SLMAP: variants seen among roughly 807,000 people sequenced by gnomAD.
The protein encoded by SLMAP is sarcolemma associated protein.
A neutral mutation model predicts 128.8 loss-of-function variants in SLMAP; 44 were observed. That is an observed-to-expected ratio of 0.34 (90% CI 0.27 to 0.44). The LOEUF is 0.44. Ranked by LOEUF, SLMAP falls within the 20% of genes least tolerant of loss-of-function variation. The pLI, the probability that SLMAP is intolerant of heterozygous loss-of-function variation, is 1.00. For synonymous variants in SLMAP, 327 were observed against 348.8 expected (o/e 0.94, Z 0.70); for missense variants, 787 against 985.3 (o/e 0.80, Z 2.69).
chr3:57,781,970 G>A (rs1262741649), intron 2 of SLMAP, among the ~76,000 whole-genome samples: 5 of 152,070 alleles, frequency 3.3e-5, no homozygotes, highest in Admixed American at 1.3e-4. Context: ...CTGACCTCAA[G>A]TGACTGCCCA....
At chr3:57,895,721 C>A (rs956531259) in intron 15 of SLMAP, among the ~76,000 whole-genome samples, 2 of 151,968 alleles carry the variant, frequency 1.3e-5, no homozygotes, top group African/African-American at 4.8e-5. Flanking sequence ...ACGGGAGGAT[C>A]AGTTTAGCCC....
At chr3:57,866,558 G>A (rs529208094) in intron 13 of SLMAP, among the ~76,000 whole-genome samples, 12 of 152,254 alleles carry the variant, frequency 7.9e-5, no homozygotes, top group South Asian at 4.2e-4. Context: ...ACTATTCTAC[G>A]TATGTTTTGT....
intron 24 of SLMAP, chr3:57,926,392 CTGTTTAT>C (rs1224920448): frequency 2.5e-5 from 4 of 158,434 alleles, no homozygotes. Context: ...AACCCTTTGC[CTGTTTAT>C]ACTATGGCTA....
In SLMAP at chr3:57,928,025, C is replaced by G. The variant is rs1197922749; in HGVS notation, c.*736C>G. The G allele has an allele frequency of 6.6e-6, 1 of 152,238 alleles. No individual in the cohort carries two copies. The highest frequency in any genetic ancestry group is 1.5e-5 in the Non-Finnish European group (1 of 67,978). 9.4% of individuals were successfully genotyped at this position (152,238 alleles called of 1,614,324 possible). On this transcript the variant is annotated 3_prime_UTR_variant, in exon 25 of 25. Transcript: ENST00000671191. ...GGGGAATATGTGCACGCTTGTTCAG[C>G]CTTAATGTGACTTGAAGATGTGGAG...
intron 6 of SLMAP, among the ~76,000 whole-genome samples, chr3:57,853,716 G>A (rs1480902314): frequency 2.0e-5 from 3 of 151,060 alleles, no homozygotes; most frequent in South Asian, 4.2e-4. Context: ...TAAGGCGGGC[G>A]GATCACCTGT....
At chr3:57,806,403 G>A (rs968769091) in intron 2 of SLMAP, among the ~76,000 whole-genome samples, 9 of 152,074 alleles carry the variant, frequency 5.9e-5, no homozygotes, top group African/African-American at 1.2e-4. Flanking sequence ...TTATGGCTGC[G>A]TAGTATTCCA....
intron 14 of SLMAP, among the ~76,000 whole-genome samples, chr3:57,880,296 G>T (rs981441310): frequency 6.6e-6 from 1 of 151,916 alleles, no homozygotes; most frequent in East Asian, 1.9e-4. Context: ...CCGCCTCCCG[G>T]GTTCAAGTGA....
At chr3:57,861,111 A>T (rs1485933537) in intron 9 of SLMAP, among the ~76,000 whole-genome samples, 1 of 150,244 alleles carries the variant, frequency 6.7e-6, no homozygotes, top group Non-Finnish European at 1.5e-5. Context: ...TCCATACAGC[A>T]GACCATGATA....
At chr3:57,786,698 A>G (rs1477741337) in intron 2 of SLMAP, among the ~76,000 whole-genome samples, 1 of 149,226 alleles carries the variant, frequency 6.7e-6, no homozygotes, top group Admixed American at 6.7e-5. Flanking sequence ...CTGGTATTAC[A>G]GGTGCCCACC....
intron 2 of SLMAP, among the ~76,000 whole-genome samples, chr3:57,788,832 C>T (rs17058538): frequency 6.6e-6 from 1 of 152,024 alleles, no homozygotes; most frequent in Non-Finnish European, 1.5e-5. Context: ...GGAAGCTCGC[C>T]GGCAGTTGGT....
chr3:57,840,496 A>C (rs945412941), intron 3 of SLMAP, among the ~76,000 whole-genome samples: 9 of 152,236 alleles, frequency 5.9e-5, no homozygotes, highest in African/African-American at 2.2e-4. Flanking sequence ...AGAGAAATAA[A>C]AAACCGTCAA....
At chr3:57,868,896 ATATT>A (rs2095387823) in intron 13 of SLMAP, among the ~76,000 whole-genome samples, 1 of 136,988 alleles carries the variant, frequency 7.3e-6, no homozygotes, top group Admixed American at 8.1e-5. Flanking sequence ...TATATTATAT[ATATT>A]ATATATGTGT....
intron 3 of SLMAP, among the ~76,000 whole-genome samples, chr3:57,838,604 T>C (rs897985041): frequency 1.3e-5 from 2 of 151,968 alleles, no homozygotes; most frequent in African/African-American, 4.8e-5. Flanking sequence ...CACAATGCAA[T>C]GTGCTTAATG....
intron 14 of SLMAP, among the ~76,000 whole-genome samples, chr3:57,880,279 G>C (rs2095703273): frequency 6.6e-6 from 1 of 151,850 alleles, no homozygotes; most frequent in African/African-American, 2.4e-5. Flanking sequence ...TTGGCTCACT[G>C]CAACCTCCGC....
intron 2 of SLMAP, among the ~76,000 whole-genome samples, chr3:57,822,052 A>C (rs1462043507): frequency 1.3e-5 from 2 of 151,980 alleles, no homozygotes; most frequent in Non-Finnish European, 1.5e-5. Flanking sequence ...TTGGTACTTA[A>C]TTCATCCTGT....
intron 3 of SLMAP, among the ~76,000 whole-genome samples, chr3:57,832,350 T>C (rs2093392530): frequency 1.3e-5 from 2 of 152,226 alleles, no homozygotes; most frequent in South Asian, 2.1e-4. Context: ...AGGCAGCTAA[T>C]AGTAGCTATC....
chr3:57,762,247 A>G (rs1302266198), intron 2 of SLMAP, among the ~76,000 whole-genome samples: 1 of 151,456 alleles, frequency 6.6e-6, no homozygotes, highest in Non-Finnish European at 1.5e-5. Flanking sequence ...ATGTGCCTGC[A>G]ATCCCAGCTA....
chr3:57,768,193 T>C (rs2080115596), intron 2 of SLMAP, among the ~76,000 whole-genome samples: 1 of 152,034 alleles, frequency 6.6e-6, no homozygotes, highest in Non-Finnish European at 1.5e-5. Context: ...TATGGACGTG[T>C]TTGGTGGTTA....
chr3:57,763,962 G>A (rs1242856074), intron 2 of SLMAP, among the ~76,000 whole-genome samples: 9 of 152,120 alleles, frequency 5.9e-5, no homozygotes, highest in Admixed American at 5.9e-4. Context: ...GTAGCCAAGG[G>A]TGCACATCTA....
Sources: allele counts gnomAD v4.1 joint callset (sites outside exome capture counted in the v4.1 genomes callset), GRCh38; gene constraint gnomAD v4.1.1; transcripts MANE v1.5; gene names NCBI Gene and HGNC (gene_info 2026-07-23, HGNC 2026-07-21).